Variants in DLGAP2 observed in about 807,000 individuals in gnomAD.
DLGAP2 encodes disks large-associated protein 2.
A neutral mutation model predicts 100.3 loss-of-function variants in DLGAP2; 26 were observed. That is an observed-to-expected ratio of 0.26 (90% CI 0.19 to 0.36). DLGAP2 has a LOEUF of 0.36. DLGAP2 is among the 10% of genes least tolerant of loss of function. DLGAP2 has a pLI of 1.00. For synonymous variants in DLGAP2, 886 were observed against 630.1 expected (o/e 1.41, Z -6.08); for missense variants, 1,858 against 1,453.2 (o/e 1.28, Z -4.53).
intron 2 of DLGAP2, among the ~76,000 whole-genome samples, chr8:1,076,322 C>G (rs1454271952): frequency 2.6e-5 from 4 of 152,262 alleles, no homozygotes; most frequent in Admixed American, 6.5e-5. Context: ...GGCACTGACA[C>G]AGACACTGAG....
intron 3 of DLGAP2, among the ~76,000 whole-genome samples, chr8:1,314,342 T>G (rs1800679520): frequency 6.6e-6 from 1 of 152,212 alleles, no homozygotes; most frequent in Non-Finnish European, 1.5e-5. Flanking sequence ...CCAACTGAAG[T>G]GATTTTGCCG....
intron 3 of DLGAP2, among the ~76,000 whole-genome samples, chr8:1,314,679 G>C (rs115365234): frequency 0.018 from 2,725 of 152,278 alleles, 96 homozygotes; most frequent in African/African-American, 0.062. Context: ...CTGGGGCTGG[G>C]CTGCTGGGGG....
At chr8:763,564 T>A (rs13275555) in intron 1 of DLGAP2, among the ~76,000 whole-genome samples, 118,346 of 152,078 alleles carry the variant, frequency 0.78, 46,452 homozygotes, top group East Asian at 0.85. Context: ...AATAAGAGAG[T>A]TGGAGTGACA....
intron 5 of DLGAP2, among the ~76,000 whole-genome samples, chr8:1,551,847 T>A (rs1404202535): frequency 6.6e-6 from 1 of 152,200 alleles, no homozygotes; most frequent in Non-Finnish European, 1.5e-5. Flanking sequence ...ATCATCCTGG[T>A]CAGTGGTCAC....
chr8:1,478,191 C>T (rs539954948), intron 3 of DLGAP2, among the ~76,000 whole-genome samples: 5 of 152,134 alleles, frequency 3.3e-5, no homozygotes, highest in Non-Finnish European at 5.9e-5. Flanking sequence ...TACCCATGAG[C>T]CTGTAGCCAT....
chr8:1,665,957 G>T (rs763047008), intron 8 of DLGAP2, among the ~76,000 whole-genome samples: 1 of 152,166 alleles, frequency 6.6e-6, no homozygotes, highest in African/African-American at 2.4e-5. Flanking sequence ...CAACACCCTT[G>T]ATAAATCAGC....
At chr8:1,102,348 A>G (rs1370714653) in intron 2 of DLGAP2, among the ~76,000 whole-genome samples, 1 of 147,686 alleles carries the variant, frequency 6.8e-6, no homozygotes, top group Non-Finnish European at 1.5e-5. Context: ...ATAATTATAT[A>G]TTATATATCT....
chr8:855,365 T>A (rs1293739459), intron 1 of DLGAP2, among the ~76,000 whole-genome samples: 1 of 152,104 alleles, frequency 6.6e-6, no homozygotes, highest in Non-Finnish European at 1.5e-5. Context: ...TGCTCCCCAC[T>A]CAACACTGGG....
intron 8 of DLGAP2, among the ~76,000 whole-genome samples, chr8:1,636,847 G>C (rs1797778124): frequency 6.6e-6 from 1 of 152,236 alleles, no homozygotes; most frequent in African/African-American, 2.4e-5. Context: ...TAAAGGAAAA[G>C]AAACTGAAAA....
At chr8:1,540,034 G>A (rs1370017726) in intron 4 of DLGAP2, among the ~76,000 whole-genome samples, 1 of 152,134 alleles carries the variant, frequency 6.6e-6, no homozygotes, top group Non-Finnish European at 1.5e-5. Context: ...ACCCAGACAG[G>A]GCCTCCTCTT....
intron 2 of DLGAP2, among the ~76,000 whole-genome samples, chr8:1,196,960 A>G (rs910934010): frequency 1.3e-5 from 2 of 152,174 alleles, no homozygotes; most frequent in Non-Finnish European, 2.9e-5. Flanking sequence ...CAAGCTGGAG[A>G]CCCAGGGAAG....
intron 6 of DLGAP2, among the ~76,000 whole-genome samples, chr8:1,570,369 A>T (rs1802604554): frequency 6.6e-6 from 1 of 152,242 alleles, no homozygotes; most frequent in African/African-American, 2.4e-5. Context: ...CCCTTTCATA[A>T]TGTTCACTCC....
At chr8:1,316,464 T>G (rs868704458) in intron 3 of DLGAP2, among the ~76,000 whole-genome samples, 1,893 of 74,822 alleles carry the variant, frequency 0.025, 16 homozygotes, top group South Asian at 0.051. Context: ...ACTCGGCAGC[T>G]TTTAAAAATA....
intron 1 of DLGAP2, among the ~76,000 whole-genome samples, chr8:849,065 G>A (rs1797130178): frequency 1.3e-5 from 2 of 151,904 alleles, no homozygotes; most frequent in Non-Finnish European, 2.9e-5. Context: ...TGCCGTGTCT[G>A]TTCCAGTATA....
intron 2 of DLGAP2, among the ~76,000 whole-genome samples, chr8:923,740 C>G (rs1475598823): frequency 6.6e-6 from 1 of 152,158 alleles, no homozygotes; most frequent in Non-Finnish European, 1.5e-5. Flanking sequence ...TGTCAGGGGT[C>G]TGTTCCTGGA....
chr8:1,058,491 C>G (rs762034752), intron 2 of DLGAP2, among the ~76,000 whole-genome samples: 1 of 152,334 alleles, frequency 6.6e-6, no homozygotes, highest in Middle Eastern at 3.4e-3. Flanking sequence ...TGCACCCATT[C>G]TCAGGTCAGC....
intron 2 of DLGAP2, among the ~76,000 whole-genome samples, chr8:1,057,329 G>T (rs1802912777): frequency 6.6e-6 from 1 of 152,182 alleles, no homozygotes; most frequent in Non-Finnish European, 1.5e-5. Flanking sequence ...TTAAGAAACA[G>T]GAGTTTTAAC....
intron 7 of DLGAP2, among the ~76,000 whole-genome samples, chr8:1,629,701 C>T (rs1004976370): frequency 1.3e-5 from 2 of 152,328 alleles, no homozygotes; most frequent in African/African-American, 4.8e-5. Context: ...TTTAAAAATC[C>T]GATGTAACCC....
intron 2 of DLGAP2, among the ~76,000 whole-genome samples, chr8:1,188,308 G>A (rs1447318143): frequency 2.4e-5 from 3 of 126,252 alleles, no homozygotes; most frequent in Non-Finnish European, 1.6e-5. Context: ...TCACACGCCC[G>A]GGACTTCCGT....
Sources: allele counts gnomAD v4.1 joint callset (sites outside exome capture counted in the v4.1 genomes callset), GRCh38; gene constraint gnomAD v4.1.1; transcripts MANE v1.5; gene names NCBI Gene and HGNC (gene_info 2026-07-23, HGNC 2026-07-21).